The following DNAH5 variants were observed in gnomAD, a reference collection of about 807,000 sequenced individuals.
DNAH5 encodes the protein axonemal beta dynein heavy chain 5.
In DNAH5, 372 loss-of-function variants were observed where a neutral mutation model predicts 518.2. That is an observed-to-expected ratio of 0.72 (90% CI 0.66 to 0.78). The LOEUF (loss-of-function observed/expected upper bound fraction) is 0.78, where lower values mean the gene tolerates loss of function less well. Among genes scored for constraint, DNAH5 ranks in the 30% least tolerant of loss-of-function variants. The pLI is 0.00. For synonymous variants in DNAH5, 2,039 were observed against 2,025.9 expected (o/e 1.01, Z -0.17); for missense variants, 5,523 against 5,687.0 (o/e 0.97, Z 0.93).
intron 1 of DNAH5, among the ~76,000 whole-genome samples, chr5:13,951,391 C>G (rs1371309474): frequency 6.6e-6 from 1 of 150,680 alleles, no homozygotes; most frequent in Non-Finnish European, 1.5e-5. Context: ...TAATTTCTTA[C>G]TTATTTTTTG....
chr5:13,885,336 T>A, intron 18 of DNAH5, 108 bp from the exon 19 acceptor site: 1 of 1,362,096 alleles, frequency 7.3e-7, no homozygotes, highest in South Asian at 1.2e-5. Context: ...AATTAAAGGA[T>A]AAATTACATG....
chr5:13,823,374 A>G lies in DNAH5; in HGVS notation c.6580-4T>C. The G allele has an allele frequency of 6.3e-7, 1 of 1,593,602 alleles. No homozygotes were observed. The highest frequency in any genetic ancestry group is 8.6e-7 in the Non-Finnish European group (1 of 1,161,516). ...ACAAGGGTTCATCCTCATCAATCTA[A>G]AAAAAGAAAATGGGAAATCAGACCA... On this transcript the variant is annotated splice_polypyrimidine_tract_variant and splice_region_variant and intron_variant, in intron 39 of 78. Transcript: ENST00000265104.
intron 21 of DNAH5, among the ~76,000 whole-genome samples, chr5:13,880,879 G>A (rs1461756248): frequency 2.0e-5 from 3 of 151,882 alleles, no homozygotes; most frequent in Non-Finnish European, 4.4e-5. Flanking sequence ...AAAAGGCATA[G>A]AGTGGCCAAA....
At chr5:13,849,045 G>A (rs536971363) in intron 31 of DNAH5, among the ~76,000 whole-genome samples, 1 of 152,306 alleles carries the variant, frequency 6.6e-6, no homozygotes, top group South Asian at 2.1e-4. Context: ...ATGTACGCAT[G>A]GTTTTGTTTA....
intron 2 of DNAH5, among the ~76,000 whole-genome samples, chr5:13,928,804 T>C (rs1778130927): frequency 6.6e-6 from 1 of 152,092 alleles, no homozygotes; most frequent in Non-Finnish European, 1.5e-5. Context: ...CACACACCCA[T>C]TAGGCATTAG....
intron 69 of DNAH5, 141 bp downstream of exon 69, chr5:13,729,298 C>G: frequency 4.5e-6 from 5 of 1,118,088 alleles, no homozygotes; most frequent in Non-Finnish European, 6.6e-6. Flanking sequence ...AGTGTGCTTT[C>G]AAGAAGGTCA....
intron 25 of DNAH5, 33 bp from the exon 26 acceptor site, chr5:13,866,315 G>C: frequency 1.3e-6 from 2 of 1,578,212 alleles, no homozygotes; most frequent in Non-Finnish European, 1.7e-6. Context: ...AAAATAGAAG[G>C]AAGTGTTTGC....
intron 47 of DNAH5, among the ~76,000 whole-genome samples, chr5:13,804,590 C>T (rs147042461): frequency 2.8e-4 from 42 of 152,146 alleles, no homozygotes; most frequent in African/African-American, 9.4e-4. Flanking sequence ...AATAGAAATC[C>T]CTGATGCTCC....
chr5:14,006,049 C>T (rs1205654943), intron 1 of DNAH5, among the ~76,000 whole-genome samples: 1 of 89,006 alleles, frequency 1.1e-5, no homozygotes, highest in East Asian at 3.9e-4. Context: ...TTTTGTCTTG[C>T]TTCTTTCTCC....
intron 31 of DNAH5, among the ~76,000 whole-genome samples, chr5:13,849,068 T>C (rs941243373): frequency 6.6e-6 from 1 of 152,244 alleles, no homozygotes; most frequent in Admixed American, 6.5e-5. Context: ...CTTTTTTTTA[T>C]ATACTTTAAG....
Position 13,832,499 on chromosome 5 carries a change from C to T in DNAH5, c.5883-1724G>A, listed in dbSNP as rs542338590. Among the ~76,000 whole-genome samples the T allele has an allele frequency of 7.2e-5, 11 of 152,330 alleles. No individual in the cohort carries two copies. The South Asian group carries it at 2.3e-3, about 32-fold the overall frequency. On this transcript the variant is annotated intron_variant, in intron 35 of 78. Coordinates refer to ENST00000265104, the MANE Select transcript of DNAH5 (RefSeq NM_001369.3). ...TGAGTGTATCTCCCTTCTTGCCTCC[C>T]TTCTCTGCTTTCCTTTCTAGTCTAT...
intron 35 of DNAH5, among the ~76,000 whole-genome samples, chr5:13,832,214 G>A (rs996852135): frequency 7.9e-5 from 12 of 152,168 alleles, no homozygotes; most frequent in Admixed American, 7.9e-4. Context: ...CATCAACTCT[G>A]ATCACTCGGC....
chr5:13,969,525 A>G (rs1281640834), intron 1 of DNAH5, among the ~76,000 whole-genome samples: 1 of 152,028 alleles, frequency 6.6e-6, no homozygotes, highest in Non-Finnish European at 1.5e-5. Context: ...CTTTCACTTC[A>G]ATGAATTTTT....
At chr5:13,836,473 C>A (rs1035799288) in intron 35 of DNAH5, among the ~76,000 whole-genome samples, 1 of 152,000 alleles carries the variant, frequency 6.6e-6, no homozygotes, top group Non-Finnish European at 1.5e-5. Flanking sequence ...TGGGAGGAAC[C>A]AGGTGAGTGT....
rs527738693 is a variant in DNAH5, at chr5:13,761,331, C to T, written c.10281+1391G>A. 9.2e-5 allele frequency among the ~76,000 whole-genome samples: 14 copies of T among 152,272 alleles called. 1 individual carries two copies. In the South Asian group the frequency reaches 2.5e-3, roughly 27 times the overall value. ...CTATGTGGCCGGGCACAGTGGCTCA[C>T]GCCTGTAATCACAGCACTTTGGGAG... On this transcript the variant is annotated intron_variant, in intron 60 of 78. Transcript: ENST00000265104.
chr5:13,874,503 G>A (rs11744873), intron 22 of DNAH5, among the ~76,000 whole-genome samples: 54,484 of 151,822 alleles, frequency 0.36, 10,012 homozygotes, highest in South Asian at 0.46. Context: ...TTGATTGTTT[G>A]GTCCAGCTCA....
intron 1 of DNAH5, among the ~76,000 whole-genome samples, chr5:13,940,278 C>T (rs1254785618): frequency 1.3e-5 from 2 of 151,980 alleles, no homozygotes; most frequent in African/African-American, 4.8e-5. Context: ...CTTCACATGG[C>T]CATATATCCT....
At chr5:13,696,197 T>A (rs1458848726) in intron 78 of DNAH5, among the ~76,000 whole-genome samples, 1 of 152,210 alleles carries the variant, frequency 6.6e-6, no homozygotes, top group East Asian at 1.9e-4. Flanking sequence ...GCTTGCCTCG[T>A]CCCTCGCAAA....
chr5:13,946,731 T>C (rs1475133831), upstream of DNAH5, among the ~76,000 whole-genome samples: 2 of 152,134 alleles, frequency 1.3e-5, no homozygotes, highest in Non-Finnish European at 2.9e-5. Flanking sequence ...CTGTCAGACA[T>C]AATGGGAAAA....
Sources: allele counts gnomAD v4.1 joint callset (sites outside exome capture counted in the v4.1 genomes callset), GRCh38; gene constraint gnomAD v4.1.1; transcripts MANE v1.5; gene names NCBI Gene and HGNC (gene_info 2026-07-23, HGNC 2026-07-21).